Variants in GHR observed in about 807,000 individuals in gnomAD.
The protein encoded by GHR is GH receptor.
GHR carries 35 observed loss-of-function variants against 67.1 expected under a neutral mutation model. The observed-to-expected ratio is 0.52, with a 90% CI of 0.40 to 0.69. The LOEUF (loss-of-function observed/expected upper bound fraction) is 0.69, where lower values mean the gene tolerates loss of function less well. Among genes scored for constraint, GHR ranks in the 30% least tolerant of loss-of-function variants. The pLI, the probability that GHR is intolerant of heterozygous loss-of-function variation, is 0.00. For missense variants in GHR, 792 were observed against 764.6 expected, an observed-to-expected ratio of 1.04 and a Z score of -0.42; for synonymous variants, 272 against 269.1, an observed-to-expected ratio of 1.01 and a Z score of -0.10.
chr5:42,689,691 G>T (rs1467798224), intron 4 of GHR, among the ~76,000 whole-genome samples: 1 of 152,156 alleles, frequency 6.6e-6, no homozygotes, highest in African/African-American at 2.4e-5. Context: ...AGTGAGGAGA[G>T]TGATATGGGA....
At chr5:42,478,410 A>G (rs1362461534) in intron 1 of GHR, among the ~76,000 whole-genome samples, 1 of 152,058 alleles carries the variant, frequency 6.6e-6, no homozygotes, top group African/African-American at 2.4e-5. Flanking sequence ...GTTTTTTCCA[A>G]TTCTGTGAAG....
chr5:42,449,693 T>C (rs1743965203), intron 1 of GHR, among the ~76,000 whole-genome samples: 1 of 152,162 alleles, frequency 6.6e-6, no homozygotes, highest in Non-Finnish European at 1.5e-5. Context: ...GTGGTGACAG[T>C]GGGCATGCTT....
intron 1 of GHR, among the ~76,000 whole-genome samples, chr5:42,494,798 G>T (rs1037309931): frequency 6.6e-6 from 1 of 152,096 alleles, no homozygotes; most frequent in African/African-American, 2.4e-5. Flanking sequence ...ATTTCTGCTT[G>T]TTGCCCTCTA....
At chr5:42,649,661 C>A (rs1354649354) in intron 3 of GHR, among the ~76,000 whole-genome samples, 2 of 152,130 alleles carry the variant, frequency 1.3e-5, no homozygotes, top group Non-Finnish European at 2.9e-5. Flanking sequence ...CTTCCCTGGG[C>A]CTTTCTTCCT....
Position 42,590,515 on chromosome 5 carries a change from A to C in GHR, c.70+24571A>C, listed in dbSNP as rs529508247. Among the ~76,000 whole-genome samples, 40 of 152,314 alleles carry C rather than the reference A, an allele frequency of 2.6e-4. No homozygotes were observed. The East Asian group carries it at 6.6e-3, about 25-fold the overall frequency. Reference sequence around the variant, plus strand: ...AGAGAGATGGGAATCAAGAAAATGGAAACACCATTCAATATTCAAAAGCCA... The same window carrying C: ...AGAGAGATGGGAATCAAGAAAATGGCAACACCATTCAATATTCAAAAGCCA... On this transcript the variant is annotated intron_variant, in intron 2 of 9. Transcript: ENST00000230882.
intron 2 of GHR, among the ~76,000 whole-genome samples, chr5:42,566,671 C>CTTTT (rs11415347): frequency 6.8e-6 from 1 of 146,348 alleles, no homozygotes; most frequent in Non-Finnish European, 1.5e-5. Flanking sequence ...GGGTGGGAGA[C>CTTTT]TTTTTTTTTT....
intron 2 of GHR, among the ~76,000 whole-genome samples, chr5:42,617,744 A>G (rs1753237400): frequency 6.6e-6 from 1 of 152,172 alleles, no homozygotes; most frequent in Admixed American, 6.5e-5. Flanking sequence ...ACACTGTGCA[A>G]GACATCTATG....
At chr5:42,606,972 G>C (rs1424693131) in intron 2 of GHR, among the ~76,000 whole-genome samples, 2 of 152,090 alleles carry the variant, frequency 1.3e-5, no homozygotes, top group African/African-American at 4.8e-5. Context: ...ATTATGGTTT[G>C]GCTCTGTGTC....
At chr5:42,474,295 G>GAGAGAAAGAAAGAAAGAA (rs1745163031) in intron 1 of GHR, among the ~76,000 whole-genome samples, 1 of 81,070 alleles carries the variant, frequency 1.2e-5, no homozygotes, top group Admixed American at 1.4e-4. Context: ...AAAAGAGAAA[G>GAGAGAAAGAAAGAAAGAA]AGAAAGAAAG....
At chr5:42,486,437 A>G (rs1242374059) in intron 1 of GHR, among the ~76,000 whole-genome samples, 1 of 152,234 alleles carries the variant, frequency 6.6e-6, no homozygotes, top group African/African-American at 2.4e-5. Flanking sequence ...AGATACATCT[A>G]ATGATTGTAA....
At chr5:42,517,846 G>A (rs896562571) in intron 1 of GHR, among the ~76,000 whole-genome samples, 2 of 151,568 alleles carry the variant, frequency 1.3e-5, no homozygotes, top group Non-Finnish European at 2.9e-5. Context: ...TATTACAAAA[G>A]CTTGCGTGTT....
intron 1 of GHR, among the ~76,000 whole-genome samples, chr5:42,504,496 C>T (rs537365939): frequency 6.6e-6 from 1 of 152,170 alleles, no homozygotes; most frequent in Non-Finnish European, 1.5e-5. Context: ...CACCGTGGCT[C>T]ACGCCTGTAA....
chr5:42,708,499 A>C (rs1758291210), intron 6 of GHR, among the ~76,000 whole-genome samples: 1 of 152,214 alleles, frequency 6.6e-6, no homozygotes, highest in African/African-American at 2.4e-5. Context: ...TTTAAAAATA[A>C]GGATTTTAAA....
intron 1 of GHR, among the ~76,000 whole-genome samples, chr5:42,529,703 A>G (rs1286343867): frequency 1.3e-5 from 2 of 152,122 alleles, no homozygotes; most frequent in Non-Finnish European, 2.9e-5. Context: ...TGCTTGGTTG[A>G]GGTTTCAGTG....
At chr5:42,543,143 C>T (rs971647309) in intron 1 of GHR, among the ~76,000 whole-genome samples, 4 of 151,962 alleles carry the variant, frequency 2.6e-5, no homozygotes, top group Admixed American at 6.6e-5. Context: ...TCCTTTAGGT[C>T]GATTCCCAGT....
intron 3 of GHR, among the ~76,000 whole-genome samples, chr5:42,646,602 A>G (rs1754741966): frequency 6.6e-6 from 1 of 152,176 alleles, no homozygotes; most frequent in South Asian, 2.1e-4. Flanking sequence ...CAAATAAAAT[A>G]TTTCTTAAGG....
chr5:42,470,430 G>C lies in GHR; in HGVS notation c.-12+46475G>C, dbSNP rs1023883317. Among the ~76,000 whole-genome samples, 21 of 151,904 alleles carry C rather than the reference G, an allele frequency of 1.4e-4. No individual in the cohort carries two copies. The East Asian group carries it at 1.5e-3, about 11-fold the overall frequency. On this transcript the variant is annotated intron_variant, in intron 1 of 9. Coordinates refer to ENST00000230882, the MANE Select transcript of GHR (RefSeq NM_000163.5). ...AAGAATATTTCAGTTAGCCAAAGGT[G>C]AGAATCCGAATTCATATTTGTATTC...
chr5:42,475,643 C>G (rs1156835305), intron 1 of GHR, among the ~76,000 whole-genome samples: 1 of 151,596 alleles, frequency 6.6e-6, no homozygotes, highest in Non-Finnish European at 1.5e-5. Context: ...GTTTCAGGCC[C>G]TAAAAACATG....
chr5:42,579,419 A>G (rs1193702780), intron 2 of GHR, among the ~76,000 whole-genome samples: 1 of 152,192 alleles, frequency 6.6e-6, no homozygotes, highest in Non-Finnish European at 1.5e-5. Flanking sequence ...CTCTTCTACA[A>G]TTTGACCAAT....
Sources: gnomAD v4.1 joint callset for allele counts (sites outside exome capture counted in the v4.1 genomes callset) on GRCh38, gnomAD v4.1.1 for gene constraint, MANE v1.5 for transcripts, NCBI Gene and HGNC (gene_info 2026-07-23, HGNC 2026-07-21) for gene names.